FRMPD4: variants seen among roughly 807,000 people sequenced by gnomAD.
FRMPD4 encodes the protein FERM and PDZ domain-containing protein 4.
FRMPD4 carries 22 observed loss-of-function variants against 94.1 expected under a neutral mutation model. The observed-to-expected ratio is 0.23, with a 90% CI of 0.17 to 0.33. The LOEUF is 0.33. FRMPD4 is among the 10% of genes least tolerant of loss of function. FRMPD4 has a pLI of 1.00. For missense variants in FRMPD4, 1,111 were observed against 1,339.9 expected, an observed-to-expected ratio of 0.83 and a Z score of 2.67; for synonymous variants, 631 against 548.6, an observed-to-expected ratio of 1.15 and a Z score of -2.10.
At chrX:12,281,105 C>T (rs754595885) in intron 1 of FRMPD4, among the ~76,000 whole-genome samples, 1 of 112,385 alleles carries the variant, frequency 8.9e-6, no homozygotes, top group Admixed American at 9.4e-5. Context: ...ATAAAACCAG[C>T]ACCAAGCTCG....
At chrX:12,708,136 C>G (rs2041912165) in intron 13 of FRMPD4, among the ~76,000 whole-genome samples, 1 of 111,661 alleles carries the variant, frequency 9.0e-6, no homozygotes. Context: ...TTGGTACTGA[C>G]TGAACATCTG....
At chrX:12,148,222 G>A (rs1018369980) in intron 1 of FRMPD4, among the ~76,000 whole-genome samples, 5 of 112,056 alleles carry the variant, frequency 4.5e-5, no homozygotes, top group Non-Finnish European at 9.4e-5. Flanking sequence ...CAAACAGTTC[G>A]CCAAACTGTG....
intron 2 of FRMPD4, among the ~76,000 whole-genome samples, chrX:12,526,676 A>C (rs1226653632): frequency 8.9e-6 from 1 of 112,454 alleles, no homozygotes; most frequent in African/African-American, 3.2e-5. Flanking sequence ...TGGGCATTAA[A>C]AGTGCCTTTG....
chrX:11,887,792 G>A (rs1283326891), intron 3 of FRMPD4, among the ~76,000 whole-genome samples: 1 of 111,612 alleles, frequency 9.0e-6, no homozygotes. Context: ...TTTTTGGTTG[G>A]AACTTTCATT....
At chrX:12,280,555 A>C (rs1233631843) in intron 1 of FRMPD4, among the ~76,000 whole-genome samples, 1 of 110,890 alleles carries the variant, frequency 9.0e-6, no homozygotes, top group Non-Finnish European at 1.9e-5. Flanking sequence ...AGAAAAACTC[A>C]ACTTACTTTA....
Position 12,364,986 on chromosome X carries a change from G to A in FRMPD4, c.42-133694G>A, listed in dbSNP as rs758280398. On this transcript the variant is annotated intron_variant, in intron 1 of 16. Transcript: ENST00000675598. ...CCTCACCTCTACGTGTCCTGGCCTA[G>A]AGGCCCATTGCGTTCAGCTGGTGTT... 2.7e-5 allele frequency among the ~76,000 whole-genome samples: 3 copies of A among 112,677 alleles called. No homozygotes were observed. In the East Asian group the frequency reaches 8.4e-4, roughly 31 times the overall value.
At chrX:12,575,749 T>C (rs1177534683) in intron 2 of FRMPD4, among the ~76,000 whole-genome samples, 7 of 110,272 alleles carry the variant, frequency 6.3e-5, no homozygotes, top group Admixed American at 2.9e-4. Flanking sequence ...AGCAGAAGAG[T>C]CAGAGCGATA....
intron 2 of FRMPD4, among the ~76,000 whole-genome samples, chrX:12,566,158 G>T (rs1035926655): frequency 9.0e-6 from 1 of 111,595 alleles, no homozygotes; most frequent in Admixed American, 9.5e-5. Flanking sequence ...AGAATGTCTG[G>T]CTACAGAAAC....
intron 3 of FRMPD4, among the ~76,000 whole-genome samples, chrX:11,941,685 TCAA>T (rs2054160817): frequency 8.9e-6 from 1 of 112,549 alleles, no homozygotes; most frequent in South Asian, 3.6e-4. Context: ...CCGGTCGGCT[TCAA>T]GCAAGCGTCT....
chrX:12,632,011 C>T (rs2059400543), intron 4 of FRMPD4, among the ~76,000 whole-genome samples: 1 of 111,947 alleles, frequency 8.9e-6, no homozygotes, highest in African/African-American at 3.2e-5. Flanking sequence ...ACTCAATAAC[C>T]TGTATTTCCC....
intron 1 of FRMPD4, among the ~76,000 whole-genome samples, chrX:12,435,975 A>G (rs2057061976): frequency 9.0e-6 from 1 of 111,574 alleles, no homozygotes; most frequent in Non-Finnish European, 1.9e-5. Flanking sequence ...CTTAATTCTG[A>G]AATCACTACA....
At chrX:12,272,835 G>A (rs2054374785) in intron 1 of FRMPD4, among the ~76,000 whole-genome samples, 1 of 111,633 alleles carries the variant, frequency 9.0e-6, no homozygotes, top group Admixed American at 9.5e-5. Flanking sequence ...TTTGGAGGGC[G>A]AGGTGGTCAG....
intron 1 of FRMPD4, among the ~76,000 whole-genome samples, chrX:12,359,619 G>A (rs763073618): frequency 1.8e-5 from 2 of 110,137 alleles, no homozygotes; most frequent in South Asian, 4.0e-4. Flanking sequence ...ACAGGCATGC[G>A]TCACCATGCC....
intron 1 of FRMPD4, among the ~76,000 whole-genome samples, chrX:12,309,631 T>C (rs1039784604): frequency 8.0e-5 from 9 of 112,357 alleles, no homozygotes; most frequent in Non-Finnish European, 1.7e-4. Context: ...ATTGTATACC[T>C]AACTCCTAGT....
intron 1 of FRMPD4, among the ~76,000 whole-genome samples, chrX:12,282,658 C>T (rs1332056915): frequency 1.8e-5 from 2 of 111,882 alleles, no homozygotes; most frequent in South Asian, 3.8e-4. Flanking sequence ...GAACACCATG[C>T]GGTGATAGGA....
At chrX:11,824,727 C>A (rs907378600) in intron 1 of FRMPD4, among the ~76,000 whole-genome samples, 1 of 111,358 alleles carries the variant, frequency 9.0e-6, no homozygotes, top group African/African-American at 3.3e-5. Context: ...TATGCTGGGT[C>A]CCAAATGTCT....
chrX:12,682,921 A>T (rs2059986834), intron 5 of FRMPD4, among the ~76,000 whole-genome samples: 1 of 112,182 alleles, frequency 8.9e-6, no homozygotes, highest in Non-Finnish European at 1.9e-5. Flanking sequence ...GTTACCAAGA[A>T]GAGGCTAAAA....
At chrX:12,267,199 T>C (rs761767282) in intron 1 of FRMPD4, among the ~76,000 whole-genome samples, 2 of 111,992 alleles carry the variant, frequency 1.8e-5, no homozygotes, top group Non-Finnish European at 3.8e-5. Context: ...CGCTATATAA[T>C]CAAGAGGGAG....
At chrX:12,612,104 A>T (rs1030971196) in intron 3 of FRMPD4, among the ~76,000 whole-genome samples, 1 of 111,974 alleles carries the variant, frequency 8.9e-6, no homozygotes, top group Admixed American at 9.5e-5. Context: ...GTATATGCAG[A>T]CACATTTTTT....
Sources: gnomAD v4.1 joint callset for allele counts (sites outside exome capture counted in the v4.1 genomes callset) on GRCh38, gnomAD v4.1.1 for gene constraint, MANE v1.5 for transcripts, NCBI Gene and HGNC (gene_info 2026-07-23, HGNC 2026-07-21) for gene names.